Variants in STIM1 observed in about 807,000 individuals in gnomAD.
STIM1 encodes stromal interaction molecule 1.
A neutral mutation model predicts 74.7 loss-of-function variants in STIM1; 25 were observed. The ratio of observed to expected loss-of-function variants is 0.33; its 90% confidence interval spans 0.24 to 0.47. The LOEUF is 0.47. Ranked by LOEUF, STIM1 falls within the 20% of genes least tolerant of loss-of-function variation. The pLI is 1.00. For synonymous variants in STIM1, 328 were observed against 348.8 expected, an observed-to-expected ratio of 0.94 and a Z score of 0.66; for missense variants, 728 against 920.8, an observed-to-expected ratio of 0.79 and a Z score of 2.71.
At chr11:4,041,356 A>G (rs1286898996) in intron 3 of STIM1, among the ~76,000 whole-genome samples, 1 of 152,190 alleles carries the variant, frequency 6.6e-6, no homozygotes, top group African/African-American at 2.4e-5. Context: ...CTAGAGTAGA[A>G]GCCAATAAAA....
intron 6 of STIM1, among the ~76,000 whole-genome samples, chr11:4,072,179 G>A (rs1182086031): frequency 6.6e-6 from 1 of 152,138 alleles, no homozygotes; most frequent in East Asian, 1.9e-4. Context: ...AATGACCACT[G>A]TGGCACTTAG....
chr11:3,870,819 G>T (rs193209651), intron 1 of STIM1, among the ~76,000 whole-genome samples: 9 of 151,210 alleles, frequency 6.0e-5, no homozygotes, highest in African/African-American at 2.2e-4. Flanking sequence ...TTTCTAGTGG[G>T]ATATGGAGTG....
chr11:4,091,101 A>G lies in STIM1; in HGVS notation c.1635-181A>G, dbSNP rs542814738. Among the ~76,000 whole-genome samples the G allele has an allele frequency of 3.3e-5, 5 of 150,798 alleles. No homozygotes were observed. In the South Asian group the frequency reaches 8.4e-4, roughly 25 times the overall value. On this transcript the variant is annotated intron_variant, in intron 12 of 12. Coordinates refer to ENST00000526596, the MANE Select transcript of STIM1 (RefSeq NM_001382567.1). ...ACTTATGGCTGCTCAACTTCTGTCT[A>G]TTCCTCTTTCCTCTCTCCTTCCCAC...
At chr11:3,886,246 C>A (rs1253467684) in intron 1 of STIM1, among the ~76,000 whole-genome samples, 1 of 152,124 alleles carries the variant, frequency 6.6e-6, no homozygotes, top group African/African-American at 2.4e-5. Context: ...GACGGATAAC[C>A]TAAGAGGGAG....
chr11:4,070,867 G>A (rs1311995293), intron 6 of STIM1, among the ~76,000 whole-genome samples: 3 of 152,054 alleles, frequency 2.0e-5, no homozygotes, highest in African/African-American at 4.8e-5. Flanking sequence ...CAGTCCTGAC[G>A]TCTAGGAACC....
intron 2 of STIM1, among the ~76,000 whole-genome samples, chr11:4,008,892 G>A (rs149632723): frequency 1.3e-5 from 2 of 152,296 alleles, no homozygotes; most frequent in Non-Finnish European, 2.9e-5. Flanking sequence ...GACATTGAAA[G>A]AAATGGTGTT....
chr11:4,051,126 A>G (rs1339524221), intron 3 of STIM1, among the ~76,000 whole-genome samples: 6 of 152,174 alleles, frequency 3.9e-5, no homozygotes, highest in African/African-American at 1.4e-4. Flanking sequence ...TCATGTATAA[A>G]TGGACCCAGG....
chr11:3,898,896 C>T (rs1212153728), intron 1 of STIM1, among the ~76,000 whole-genome samples: 1 of 151,378 alleles, frequency 6.6e-6, no homozygotes, highest in Non-Finnish European at 1.5e-5. Flanking sequence ...GGTACCAGTA[C>T]CATGCTGTTT....
chr11:4,020,033 A>G (rs147920799), intron 2 of STIM1, among the ~76,000 whole-genome samples: 1 of 152,348 alleles, frequency 6.6e-6, no homozygotes, highest in African/African-American at 2.4e-5. Flanking sequence ...TATATGAGTG[A>G]GAACATGTGG....
intron 1 of STIM1, among the ~76,000 whole-genome samples, chr11:3,894,632 C>A (rs1323750373): frequency 6.6e-6 from 1 of 152,198 alleles, no homozygotes; most frequent in African/African-American, 2.4e-5. Context: ...CCGACATGTT[C>A]CAGACCCAGG....
At chr11:3,892,883 AC>A in intron 1 of STIM1, 1 of 1,545,396 alleles carries the variant, frequency 6.5e-7, no homozygotes, top group Non-Finnish European at 8.9e-7. Context: ...GGTGGGGTTA[AC>A]CACGGCTGAT....
intron 1 of STIM1, among the ~76,000 whole-genome samples, chr11:3,962,942 A>G (rs1201042505): frequency 6.6e-6 from 1 of 151,064 alleles, no homozygotes; most frequent in Non-Finnish European, 1.5e-5. Flanking sequence ...TTCCTTTTTT[A>G]ATTCAAAATT....
chr11:3,959,045 A>T (rs1240136263), intron 1 of STIM1, among the ~76,000 whole-genome samples: 1 of 151,442 alleles, frequency 6.6e-6, no homozygotes, highest in East Asian at 1.9e-4. Context: ...ATGCTATTTT[A>T]TCTCTTGAAC....
At chr11:3,930,707 T>C (rs1193766658) in intron 1 of STIM1, among the ~76,000 whole-genome samples, 1 of 152,214 alleles carries the variant, frequency 6.6e-6, no homozygotes, top group East Asian at 1.9e-4. Context: ...TCTTCCTACT[T>C]CCTATCATAC....
intron 1 of STIM1, among the ~76,000 whole-genome samples, chr11:3,939,514 A>C (rs984825803): frequency 6.6e-6 from 1 of 152,216 alleles, no homozygotes; most frequent in Non-Finnish European, 1.5e-5. Flanking sequence ...TTTTACCACA[A>C]TTAAAAAAAT....
chr11:3,884,666 C>G (rs1389420158), intron 1 of STIM1, among the ~76,000 whole-genome samples: 1 of 152,002 alleles, frequency 6.6e-6, no homozygotes, highest in Non-Finnish European at 1.5e-5. Context: ...ATGTCTGAAC[C>G]TAACCCAAGG....
intron 8 of STIM1, 80 bp from the exon 9 acceptor site, chr11:4,082,802 C>G (rs2094472126): frequency 5.9e-6 from 7 of 1,189,706 alleles, no homozygotes; most frequent in African/African-American, 1.5e-5. Context: ...GAGTGGGCCC[C>G]AGCCATAGGG....
intron 1 of STIM1, among the ~76,000 whole-genome samples, chr11:3,958,345 A>G (rs2093242932): frequency 6.6e-6 from 1 of 151,970 alleles, no homozygotes; most frequent in Admixed American, 6.5e-5. Flanking sequence ...CCCCTCTCAA[A>G]AATAAAAAGG....
intron 2 of STIM1, chr11:3,973,353 G>C (rs1038694530): frequency 2.3e-6 from 1 of 431,382 alleles, no homozygotes; most frequent in African/African-American, 2.0e-5. Context: ...CTCTTTCTTC[G>C]ACAGGGCATC....
Sources: allele counts gnomAD v4.1 joint callset (sites outside exome capture counted in the v4.1 genomes callset), GRCh38; gene constraint gnomAD v4.1.1; transcripts MANE v1.5; gene names NCBI Gene and HGNC (gene_info 2026-07-23, HGNC 2026-07-21).